Variants in ZNF469 observed in about 807,000 individuals in gnomAD.
The protein encoded by ZNF469 is zinc finger protein 469.
Under a neutral mutation model 1.0 loss-of-function variants are expected in ZNF469, and 1 was observed. The ratio of observed to expected loss-of-function variants is 1.00; its 90% CI spans 0.35 to 4.73. The LOEUF is 4.73. Among genes scored for constraint, ZNF469 ranks in the 30% most tolerant of loss-of-function variants. The pLI, the probability that ZNF469 is intolerant of heterozygous loss-of-function variation, is 0.16. For synonymous variants in ZNF469, 2,703 were observed against 2,363.4 expected (o/e 1.14, Z -4.17); for missense variants, 6,100 against 5,356.3 (o/e 1.14, Z -4.33).
chr16:88,346,842 G>C, the ZNF469 span, among the ~76,000 whole-genome samples: 1 of 152,238 alleles, frequency 6.6e-6, no homozygotes, highest in Non-Finnish European at 1.5e-5. Context: ...TGGACTTTCA[G>C]GTTCCCATTG....
At chr16:88,311,191 C>T in the ZNF469 span, among the ~76,000 whole-genome samples, 11 of 152,284 alleles carry the variant, frequency 7.2e-5, no homozygotes, top group East Asian at 1.4e-3. Flanking sequence ...ACCCTGGGGG[C>T]GAAGTGCCCA....
chr16:88,125,991 C>T, the ZNF469 span, among the ~76,000 whole-genome samples: 9 of 151,548 alleles, frequency 5.9e-5, no homozygotes, highest in Non-Finnish European at 1.0e-4. Flanking sequence ...GAGTTTGAGA[C>T]GAGCCTGGGC....
At chr16:88,235,607 G>C in the ZNF469 span, among the ~76,000 whole-genome samples, 7 of 152,204 alleles carry the variant, frequency 4.6e-5, no homozygotes, top group Non-Finnish European at 8.8e-5. Flanking sequence ...TCCTTGTCTT[G>C]AATTCCTCCC....
the ZNF469 span, among the ~76,000 whole-genome samples, chr16:88,131,885 C>T: frequency 6.6e-6 from 1 of 151,952 alleles, no homozygotes; most frequent in East Asian, 1.9e-4. Context: ...GCTTGGGGCG[C>T]CCACCTGCCC....
chr16:88,367,091 C>T, the ZNF469 span, among the ~76,000 whole-genome samples: 5 of 152,230 alleles, frequency 3.3e-5, no homozygotes, highest in African/African-American at 4.8e-5. Flanking sequence ...ATGTCTTCCC[C>T]CTTTTTGCGT....
the ZNF469 span, among the ~76,000 whole-genome samples, chr16:88,303,230 C>T: frequency 3.9e-5 from 6 of 152,184 alleles, no homozygotes; most frequent in South Asian, 2.1e-4. Context: ...AGCATGCAGC[C>T]GCCAGCCATG....
At chr16:88,237,148 C>G in the ZNF469 span, among the ~76,000 whole-genome samples, 11 of 104,654 alleles carry the variant, frequency 1.1e-4, no homozygotes, top group Non-Finnish European at 2.4e-4. Flanking sequence ...ATGCTCCTGC[C>G]ACGGACCCTC....
rs1368268570 is a variant in ZNF469, at chr16:88,430,562, C to T, written c.3092C>T (p.Pro1031Leu). The T allele has an allele frequency of 6.8e-7, 1 of 1,474,170 alleles. No homozygotes were observed. The highest frequency in any genetic ancestry group is 1.5e-5 in the African/African-American group (1 of 68,116). The allele number at this position is 1,474,170 out of a possible 1,614,324, so 91.3% of individuals were successfully genotyped here. The change falls in exon 3 of 3, where the codon CCC (proline) becomes CTC (leucine). Residue 1031 changes from proline (P) to leucine (L), a missense_variant. By Grantham distance (98) the Pro-to-Leu change is moderately conservative (BLOSUM62 -3). Transcript: ENST00000565624. ...CGCAGCTCCCGGCGCCGCCGGCTGC[C>T]CCCCAGGAAGGACCCCAGGAAGAGG... is the stretch of plus-strand genomic sequence containing the variant. The part of the protein sequence containing the change: ...ETRSSRRRRL[P>L]PRKDPRKRKA...
the ZNF469 span, among the ~76,000 whole-genome samples, chr16:88,166,051 C>T: frequency 6.6e-6 from 1 of 152,266 alleles, no homozygotes; most frequent in African/African-American, 2.4e-5. The surrounding 1 kb of genome is among the most constrained non-coding windows in gnomAD (Gnocchi z 4.5). Flanking sequence ...GAGGCCCACG[C>T]CAGTGAGGAG....
the ZNF469 span, among the ~76,000 whole-genome samples, chr16:88,158,774 G>A: frequency 1.2e-4 from 19 of 152,318 alleles, no homozygotes; most frequent in South Asian, 1.2e-3. Flanking sequence ...AAGCCAGGCC[G>A]AGTCAGAGTG....
chr16:88,152,587 C>A, the ZNF469 span, among the ~76,000 whole-genome samples: 3 of 152,134 alleles, frequency 2.0e-5, no homozygotes, highest in African/African-American at 7.2e-5. This position sits in a 1 kb window ranked among gnomAD's most constrained non-coding sequence, Gnocchi z 4.2. Flanking sequence ...GGAGTCCTGG[C>A]GTCCACAGGC....
the ZNF469 span, among the ~76,000 whole-genome samples, chr16:88,242,109 G>A: frequency 6.6e-6 from 1 of 152,178 alleles, no homozygotes; most frequent in Admixed American, 6.5e-5. Context: ...AGCACCACCT[G>A]CAGGTGGCCC....
At chr16:88,358,233 AC>A in the ZNF469 span, among the ~76,000 whole-genome samples, 1 of 151,956 alleles carries the variant, frequency 6.6e-6, no homozygotes, top group East Asian at 1.9e-4. Context: ...CTCAGCTCGG[AC>A]CCCCAGCGCC....
chr16:88,198,439 A>G, the ZNF469 span, among the ~76,000 whole-genome samples: 1 of 152,236 alleles, frequency 6.6e-6, no homozygotes, highest in Non-Finnish European at 1.5e-5. Flanking sequence ...GCAATGGCAG[A>G]ACATTCTAGA....
At chr16:88,157,775 G>T in the ZNF469 span, among the ~76,000 whole-genome samples, 232 of 152,182 alleles carry the variant, frequency 1.5e-3, no homozygotes, top group African/African-American at 5.2e-3. Flanking sequence ...CAGGGCTCCA[G>T]GTGGGGGCTC....
chr16:88,390,286 A>T (rs1904451419), intron 1 of ZNF469, among the ~76,000 whole-genome samples: 1 of 152,046 alleles, frequency 6.6e-6, no homozygotes, highest in Non-Finnish European at 1.5e-5. Flanking sequence ...CTGGATACAC[A>T]TGGGAGTAGG....
chr16:88,354,929 G>A, the ZNF469 span, among the ~76,000 whole-genome samples: 1 of 152,212 alleles, frequency 6.6e-6, no homozygotes, highest in Non-Finnish European at 1.5e-5. Flanking sequence ...AGGGTCTCCA[G>A]TGGGGGCAGG....
At chr16:88,290,955 C>A in the ZNF469 span, among the ~76,000 whole-genome samples, 2 of 152,298 alleles carry the variant, frequency 1.3e-5, no homozygotes, top group South Asian at 2.1e-4. Context: ...CAGATCGGAG[C>A]GCGTCAGCCT....
chr16:88,316,535 T>C, the ZNF469 span, among the ~76,000 whole-genome samples: 1 of 143,910 alleles, frequency 6.9e-6, no homozygotes, highest in African/African-American at 2.6e-5. Flanking sequence ...GCACTGAGTA[T>C]AGGTGCTGTC....
Sources: allele counts gnomAD v4.1 joint callset (sites outside exome capture counted in the v4.1 genomes callset), GRCh38; gene constraint gnomAD v4.1.1; non-coding constraint Gnocchi (gnomAD v3.1); transcripts MANE v1.5; gene names NCBI Gene and HGNC (gene_info 2026-07-23, HGNC 2026-07-21).